Variants in MARCHF10 observed in about 807,000 individuals in gnomAD.
The protein encoded by MARCHF10 is membrane associated ring-CH-type finger 10, also known as probable E3 ubiquitin-protein ligase MARCHF10.
In MARCHF10, 64 loss-of-function variants were observed where a neutral mutation model predicts 76.2. The ratio of observed to expected loss-of-function variants is 0.84; its 90% CI spans 0.69 to 1.03. The LOEUF (loss-of-function observed/expected upper bound fraction) is 1.03. MARCHF10 is among the 50% of genes least tolerant of loss of function. The probability of loss-of-function intolerance (pLI) is 0.00; values close to 1 mark genes in which losing one functional copy is unlikely to be tolerated. For missense variants in MARCHF10, 875 were observed against 958.0 expected, an observed-to-expected ratio of 0.91 and a Z score of 1.14; for synonymous variants, 340 against 357.5, an observed-to-expected ratio of 0.95 and a Z score of 0.55.
intron 9 of MARCHF10, among the ~76,000 whole-genome samples, chr17:62,708,454 C>T (rs1382525400): frequency 1.3e-5 from 2 of 152,082 alleles, no homozygotes; most frequent in Non-Finnish European, 2.9e-5. Flanking sequence ...CCGTGTTAGC[C>T]AGGATGGTCT....
chr17:62,724,496 G>A (rs1220333898), intron 7 of MARCHF10, among the ~76,000 whole-genome samples: 1 of 152,136 alleles, frequency 6.6e-6, no homozygotes, highest in Non-Finnish European at 1.5e-5. Context: ...GAAGTAGGAT[G>A]TGTGTGCTGG....
Position 62,701,564 on chromosome 17 carries a change from G to C in MARCHF10, c.*139C>G, listed in dbSNP as rs1323454114. The C allele has an allele frequency of 2.6e-6, 4 of 1,561,348 alleles. No homozygotes were observed. ...TGCTCAAGCCAGACCCCAAAAGAGA[G>C]TGGCACGAGGTGAAAATCTAACTGT... is the stretch of plus-strand genomic sequence containing the variant. On this transcript the variant is annotated 3_prime_UTR_variant, in exon 11 of 11. Transcript: ENST00000311269.
chr17:62,801,521 T>A, intron 2 of MARCHF10, 125 bp downstream of exon 2: 5 of 568,920 alleles, frequency 8.8e-6, no homozygotes, highest in East Asian at 3.8e-5. Context: ...GCTAGTTACA[T>A]ACCTAATCGG....
rs2091394503 is a variant in MARCHF10, at chr17:62,738,781, C to T, written c.536-1449G>A. ...CTCAGCAACGCAGTATGAATCTTGA[C>T]TCATCAGCTCTTCTAGAAATCAGTT... On this transcript the variant is annotated intron_variant, in intron 5 of 10. Transcript: ENST00000311269. The surrounding 1 kb of genome is among the most constrained non-coding windows in gnomAD (Gnocchi z 4.0). 6.6e-6 allele frequency among the ~76,000 whole-genome samples: 1 copy of T among 152,228 alleles called. No individual in the cohort carries two copies. The highest frequency in any genetic ancestry group is 1.5e-5 in the Non-Finnish European group (1 of 68,048).
At chr17:62,749,437 T>C (rs923029640) in intron 4 of MARCHF10, among the ~76,000 whole-genome samples, 3 of 152,180 alleles carry the variant, frequency 2.0e-5, no homozygotes, top group African/African-American at 4.8e-5. Context: ...AAGATCCCAA[T>C]GGAGAGACAA....
chr17:62,739,364 G>C (rs771846027), intron 5 of MARCHF10, among the ~76,000 whole-genome samples: 3 of 151,636 alleles, frequency 2.0e-5, no homozygotes, highest in Non-Finnish European at 4.4e-5. Flanking sequence ...GGAGTTGGCA[G>C]TGCAGGCTTT....
chr17:62,771,448 A>G (rs772368537), intron 3 of MARCHF10, among the ~76,000 whole-genome samples: 1 of 152,026 alleles, frequency 6.6e-6, no homozygotes, highest in Non-Finnish European at 1.5e-5. Context: ...TGAAATGCAG[A>G]GCTGTAAGGA....
intron 4 of MARCHF10, chr17:62,746,862 C>T (rs1200578455): frequency 6.5e-7 from 1 of 1,533,274 alleles, no homozygotes; most frequent in Non-Finnish European, 8.7e-7. Flanking sequence ...CCACTGCATT[C>T]ACCTTCACAG....
chr17:62,762,010 G>A (rs1356368637), intron 3 of MARCHF10, among the ~76,000 whole-genome samples: 7 of 152,102 alleles, frequency 4.6e-5, no homozygotes, highest in Admixed American at 2.6e-4. Flanking sequence ...TGCTCCAGGC[G>A]AGGATGACCA....
chr17:62,741,950 G>A (rs1006545364), intron 5 of MARCHF10, among the ~76,000 whole-genome samples: 6 of 150,982 alleles, frequency 4.0e-5, no homozygotes, highest in East Asian at 1.9e-4. Context: ...CACCTGCCTC[G>A]GCCTCCCAGA....
At chr17:62,725,177 G>A (rs1054871066) in intron 6 of MARCHF10, 73 bp from the exon 7 acceptor site, 12 of 1,402,104 alleles carry the variant, frequency 8.6e-6, no homozygotes, top group Non-Finnish European at 1.0e-5. Context: ...AGTTCCCAGA[G>A]CATTGACAGA....
At chr17:62,797,394 C>CG (rs1372994634) in intron 2 of MARCHF10, among the ~76,000 whole-genome samples, 2 of 152,030 alleles carry the variant, frequency 1.3e-5, no homozygotes, top group African/African-American at 4.8e-5. Flanking sequence ...TTAGTAGAGA[C>CG]GGGGTTTCAC....
intron 3 of MARCHF10, among the ~76,000 whole-genome samples, chr17:62,760,566 A>G (rs1294764629): frequency 6.6e-6 from 1 of 152,220 alleles, no homozygotes; most frequent in East Asian, 1.9e-4. Context: ...GTATAAATCT[A>G]TGCATGGACA....
chr17:62,805,557 T>C (rs1409048176), intron 1 of MARCHF10, among the ~76,000 whole-genome samples: 2 of 152,150 alleles, frequency 1.3e-5, no homozygotes, highest in Non-Finnish European at 2.9e-5. Context: ...AGGCATGAAA[T>C]AACTTTGTCT....
At chr17:62,781,526 C>T (rs2092657719) in intron 3 of MARCHF10, among the ~76,000 whole-genome samples, 1 of 152,146 alleles carries the variant, frequency 6.6e-6, no homozygotes, top group Admixed American at 6.5e-5. Context: ...TAGGAAGTAC[C>T]ACTCTAAAGA....
intron 4 of MARCHF10, among the ~76,000 whole-genome samples, chr17:62,752,222 T>C (rs920302651): frequency 1.3e-5 from 2 of 152,104 alleles, no homozygotes; most frequent in African/African-American, 4.8e-5. Context: ...ACAGTTGTTA[T>C]CTCCCAAAGT....
intron 3 of MARCHF10, among the ~76,000 whole-genome samples, chr17:62,762,569 CAG>C (rs1246676008): frequency 2.0e-5 from 3 of 152,116 alleles, no homozygotes; most frequent in East Asian, 1.9e-4. Flanking sequence ...TTTCTGGAGA[CAG>C]AGTCTTGCTC....
intron 3 of MARCHF10, among the ~76,000 whole-genome samples, chr17:62,766,684 G>T (rs2092340166): frequency 6.6e-6 from 1 of 152,004 alleles, no homozygotes; most frequent in African/African-American, 2.4e-5. Flanking sequence ...AACACCAGGG[G>T]GCTTGGCCAT....
At chr17:62,784,015 C>A (rs570851552) in intron 3 of MARCHF10, among the ~76,000 whole-genome samples, 1 of 152,314 alleles carries the variant, frequency 6.6e-6, no homozygotes, top group East Asian at 1.9e-4. Flanking sequence ...TCCTCCCTAA[C>A]TCATTTTATG....
Sources: gnomAD v4.1 joint callset for allele counts (sites outside exome capture counted in the v4.1 genomes callset) on GRCh38, gnomAD v4.1.1 for gene constraint, Gnocchi (gnomAD v3.1) non-coding constraint, MANE v1.5 for transcripts, NCBI Gene and HGNC (gene_info 2026-07-23, HGNC 2026-07-21) for gene names.